Variants in PABPC4L observed in about 807,000 individuals in gnomAD.
The protein encoded by PABPC4L is polyadenylate-binding protein 4-like.
For missense variants in PABPC4L, 452 were observed against 451.4 expected (o/e 1.00, Z -0.01); for synonymous variants, 169 against 164.1 (o/e 1.03, Z -0.23).
At chr4:133,960,269 A>G in the PABPC4L span, among the ~76,000 whole-genome samples, 1 of 152,224 alleles carries the variant, frequency 6.6e-6, no homozygotes, top group Non-Finnish European at 1.5e-5. Flanking sequence ...AGAAGTGGGA[A>G]AGGAAGTTCC....
the PABPC4L span, among the ~76,000 whole-genome samples, chr4:134,047,036 TA>T: frequency 1.3e-5 from 2 of 152,324 alleles, no homozygotes; most frequent in South Asian, 4.1e-4. Flanking sequence ...GTGACAGAAT[TA>T]AAGGCAGAGT....
chr4:134,072,848 C>T, the PABPC4L span, among the ~76,000 whole-genome samples: 1 of 152,084 alleles, frequency 6.6e-6, no homozygotes, highest in Non-Finnish European at 1.5e-5. Context: ...GGGAAATGGG[C>T]TCTTATAAAC....
the PABPC4L span, among the ~76,000 whole-genome samples, chr4:134,096,219 G>GT: frequency 6.6e-6 from 1 of 151,866 alleles, no homozygotes; most frequent in Non-Finnish European, 1.5e-5. Context: ...AGAAATGTCG[G>GT]TTTTTTTCAA....
the PABPC4L span, among the ~76,000 whole-genome samples, chr4:133,989,424 G>T: frequency 2.0e-5 from 3 of 152,140 alleles, no homozygotes; most frequent in Non-Finnish European, 4.4e-5. Context: ...GCAAAATGCT[G>T]CCAGTCTCTT....
At chr4:134,038,437 G>T in the PABPC4L span, among the ~76,000 whole-genome samples, 5 of 152,112 alleles carry the variant, frequency 3.3e-5, no homozygotes, top group Non-Finnish European at 5.9e-5. Flanking sequence ...ATTTGGCTGT[G>T]AATCCATCTG....
chr4:134,037,729 C>T, the PABPC4L span, among the ~76,000 whole-genome samples: 3 of 152,170 alleles, frequency 2.0e-5, no homozygotes, highest in South Asian at 4.1e-4. Flanking sequence ...TAGGGTGAGA[C>T]GATGGGGTTT....
the PABPC4L span, among the ~76,000 whole-genome samples, chr4:134,102,276 A>G: frequency 2.1e-3 from 324 of 151,636 alleles, 1 homozygote; most frequent in African/African-American, 7.4e-3. Context: ...CTTCAAGATA[A>G]ATAAAATGAT....
At chr4:134,177,174 T>C in the PABPC4L span, among the ~76,000 whole-genome samples, 1 of 137,570 alleles carries the variant, frequency 7.3e-6, no homozygotes, top group Non-Finnish European at 1.5e-5. Context: ...CATCCCTTTT[T>C]TCTTTTCTTT....
chr4:134,064,919 C>A, the PABPC4L span, among the ~76,000 whole-genome samples: 1 of 151,888 alleles, frequency 6.6e-6, no homozygotes, highest in Admixed American at 6.6e-5. Context: ...TGCTGGAAAA[C>A]GATATGATTT....
Position 134,200,015 on chromosome 4 carries a change from G to T in PABPC4L, c.1005C>A (p.Gly335=). 6.4e-7 allele frequency: 1 copy of T among 1,551,640 alleles called. No homozygotes were observed. The highest frequency in any genetic ancestry group is 2.4e-5 in the East Asian group (1 of 40,914). ...CCTCAGGAGAGGAGAAGCAGATCAAGCCAAACCCTTTGCTCTGCCCCTCTT... is the reference window on the plus strand; with the variant it reads ...CCTCAGGAGAGGAGAAGCAGATCAATCCAAACCCTTTGCTCTGCCCCTCTT... The part of the protein sequence containing the change: ...MQEEGQSKGF[G]LICFSSPEDA... The change falls in exon 2 of 2, where the codon GGC becomes GGA. Residue 335 remains glycine (G), a synonymous_variant. Transcript: ENST00000421491.
At chr4:134,085,580 G>A in the PABPC4L span, among the ~76,000 whole-genome samples, 2 of 151,968 alleles carry the variant, frequency 1.3e-5, no homozygotes, top group African/African-American at 4.8e-5. Flanking sequence ...AGTCACTATC[G>A]TTCTCCCCTC....
the PABPC4L span, among the ~76,000 whole-genome samples, chr4:134,069,101 G>A: frequency 5.9e-5 from 9 of 152,208 alleles, no homozygotes; most frequent in East Asian, 1.7e-3. Context: ...TCATTTGGCT[G>A]TATATTAAAT....
At chr4:134,017,036 C>T in the PABPC4L span, among the ~76,000 whole-genome samples, 1 of 152,180 alleles carries the variant, frequency 6.6e-6, no homozygotes, top group Admixed American at 6.5e-5. Context: ...TTCTGTCAGA[C>T]ATAATTCCTC....
At chr4:133,987,929 A>G in the PABPC4L span, among the ~76,000 whole-genome samples, 2 of 152,176 alleles carry the variant, frequency 1.3e-5, no homozygotes, top group South Asian at 2.1e-4. Context: ...GAAACTTACA[A>G]TCATGGAGGA....
the PABPC4L span, among the ~76,000 whole-genome samples, chr4:134,019,892 G>T: frequency 2.0e-5 from 3 of 152,080 alleles, no homozygotes; most frequent in African/African-American, 7.2e-5. Flanking sequence ...AGAACTTAAA[G>T]ATGTCATTCT....
At chr4:134,045,433 G>C in the PABPC4L span, among the ~76,000 whole-genome samples, 1 of 152,062 alleles carries the variant, frequency 6.6e-6, no homozygotes, top group South Asian at 2.1e-4. Context: ...GAATACCAAT[G>C]CTCTCTTTTC....
At chr4:134,169,958 A>G in the PABPC4L span, among the ~76,000 whole-genome samples, 1 of 152,166 alleles carries the variant, frequency 6.6e-6, no homozygotes, top group Non-Finnish European at 1.5e-5. Flanking sequence ...TTTGGTATAC[A>G]AATAATCTTG....
chr4:134,077,419 G>C, the PABPC4L span, among the ~76,000 whole-genome samples: 1 of 152,058 alleles, frequency 6.6e-6, no homozygotes, highest in African/African-American at 2.4e-5. Context: ...GATTCATTCA[G>C]TGCATTAGTG....
chr4:134,064,948 A>G, the PABPC4L span, among the ~76,000 whole-genome samples: 1 of 152,022 alleles, frequency 6.6e-6, no homozygotes, highest in East Asian at 1.9e-4. Context: ...TTGGCTGTGT[A>G]GTATCCCATG....
Sources: allele counts gnomAD v4.1 joint callset (sites outside exome capture counted in the v4.1 genomes callset), GRCh38; gene constraint gnomAD v4.1.1; transcripts MANE v1.5; gene names NCBI Gene and HGNC (gene_info 2026-07-23, HGNC 2026-07-21).